The following EBF3 variants were observed in gnomAD, a reference collection of about 807,000 sequenced individuals.
EBF3 encodes the protein transcription factor COE3.
Under a neutral mutation model 77.1 loss-of-function variants are expected in EBF3, and 18 were observed. That is an observed-to-expected ratio of 0.23 (90% CI 0.16 to 0.35). EBF3 has a LOEUF of 0.35. Among genes scored for constraint, EBF3 ranks in the 10% least tolerant of loss-of-function variants. The probability of loss-of-function intolerance (pLI) is 1.00; values close to 1 mark genes in which losing one functional copy is unlikely to be tolerated. For synonymous variants in EBF3, 350 were observed against 343.5 expected (o/e 1.02, Z -0.21); for missense variants, 558 against 860.0 (o/e 0.65, Z 4.39).
In EBF3 at chr10:129,935,508, C is replaced by T. The variant is rs1857298167; in HGVS notation, c.554+21750G>A. On this transcript the variant is annotated intron_variant, in intron 6 of 16. Coordinates refer to ENST00000440978, the MANE Select transcript of EBF3 (RefSeq NM_001375380.1). The surrounding 1 kb of genome is among the most constrained non-coding windows in gnomAD (Gnocchi z 4.2). Reference sequence around the variant, plus strand: ...TCCTGTGTGACCCCAACCCTAAGAACAAGCCTCCCAACTCAGCGCCAACTG... The same window carrying T: ...TCCTGTGTGACCCCAACCCTAAGAATAAGCCTCCCAACTCAGCGCCAACTG... Among the ~76,000 whole-genome samples the T allele has an allele frequency of 6.6e-6, 1 of 152,220 alleles. No homozygotes were observed. The highest frequency in any genetic ancestry group is 1.5e-5 in the Non-Finnish European group (1 of 68,030).
intron 6 of EBF3, among the ~76,000 whole-genome samples, chr10:129,923,917 T>C (rs1400233975): frequency 1.3e-5 from 2 of 152,198 alleles, no homozygotes; most frequent in African/African-American, 4.8e-5. Context: ...ATCCAGAATA[T>C]AGAGAGAACT....
chr10:129,949,613 C>A (rs1858506015), intron 6 of EBF3, among the ~76,000 whole-genome samples: 1 of 152,122 alleles, frequency 6.6e-6, no homozygotes, highest in Non-Finnish European at 1.5e-5. Flanking sequence ...CCTGCCCATG[C>A]CCATAATCAA....
At position 129,924,474 on chromosome 10, in the gene EBF3, T is replaced by C. The variant is rs139986319; in HGVS notation, c.554+32784A>G. On this transcript the variant is annotated intron_variant, in intron 6 of 16. Transcript: ENST00000440978. ...AAAACAAAAAACAGAAAATAGGTACTGGTGAGGATGGAGAAACTGGAACCC... is the reference window on the plus strand; with the variant it reads ...AAAACAAAAAACAGAAAATAGGTACCGGTGAGGATGGAGAAACTGGAACCC... Among the ~76,000 whole-genome samples, 718 of 148,112 alleles carry C rather than the reference T, an allele frequency of 4.8e-3. 5 individuals are homozygous for C. Among genetic ancestry groups the C allele is most frequent in the Middle Eastern group, 0.014 (4 of 276 alleles).
intron 6 of EBF3, among the ~76,000 whole-genome samples, chr10:129,921,711 C>G (rs1368873828): frequency 6.6e-6 from 1 of 152,216 alleles, no homozygotes; most frequent in Non-Finnish European, 1.5e-5. Context: ...AGAGAGGACC[C>G]CTGGGGGTTG....
Position 129,863,472 on chromosome 10 carries a change from A to G in EBF3, c.1039+3669T>C, listed in dbSNP as rs1851778455. Among the ~76,000 whole-genome samples, 1 of 152,230 alleles carries G rather than the reference A, an allele frequency of 6.6e-6. No homozygotes were observed. Among genetic ancestry groups the G allele is most frequent in the African/African-American group, 2.4e-5 (1 of 41,466 alleles). ...TTTCTCAGATCACTGTAAACAGATC[A>G]TTGAGGCCCTTTGCAAAGCCCCTCC... On this transcript the variant is annotated intron_variant, in intron 10 of 16. Transcript: ENST00000440978. The surrounding 1 kb of genome is among the most constrained non-coding windows in gnomAD (Gnocchi z 4.0).
At chr10:129,892,528 A>G (rs2134202570) in intron 6 of EBF3, among the ~76,000 whole-genome samples, 1 of 152,314 alleles carries the variant, frequency 6.6e-6, no homozygotes, top group Non-Finnish European at 1.5e-5. Context: ...GACGGCTCAG[A>G]GAGTGAGCCG....
Position 129,861,870 on chromosome 10 carries a change from A to G in EBF3, c.1039+5271T>C, listed in dbSNP as rs1851662142. Among the ~76,000 whole-genome samples, 1 of 152,214 alleles carries G rather than the reference A, an allele frequency of 6.6e-6. No individual in the cohort carries two copies. Among genetic ancestry groups the G allele is most frequent in the African/African-American group, 2.4e-5 (1 of 41,438 alleles). On this transcript the variant is annotated intron_variant, in intron 10 of 16. Coordinates refer to ENST00000440978, the MANE Select transcript of EBF3 (RefSeq NM_001375380.1). This position sits in a 1 kb window ranked among gnomAD's most constrained non-coding sequence, Gnocchi z 4.3. ...CATCATTTGCTCTGTGCATCCAAGT[A>G]ATTTGTTTGAGGAGCACCGGCCTGG...
intron 6 of EBF3, among the ~76,000 whole-genome samples, chr10:129,950,711 A>T (rs1858613522): frequency 6.6e-6 from 1 of 152,230 alleles, no homozygotes; most frequent in Non-Finnish European, 1.5e-5. Flanking sequence ...TATTTTTATT[A>T]AAGCATGAAT....
rs193290460 is a variant in EBF3 at position 129,935,405 on chromosome 10, G to A, written c.554+21853C>T. Among the ~76,000 whole-genome samples the A allele has an allele frequency of 1.4e-3, 207 of 152,292 alleles. 1 individual carries two copies. The highest frequency in any genetic ancestry group is 4.6e-3 in the African/African-American group (190 of 41,570). ...TGCCTGGCTCCAGCAGAAGGACCCA[G>A]TGCCATCATTCTGACCTTCCTTCTG... On this transcript the variant is annotated intron_variant, in intron 6 of 16. Transcript: ENST00000440978. This position sits in a 1 kb window ranked among gnomAD's most constrained non-coding sequence, Gnocchi z 4.2.
chr10:129,905,334 A>C (rs1855067559), intron 6 of EBF3, among the ~76,000 whole-genome samples: 1 of 152,130 alleles, frequency 6.6e-6, no homozygotes, highest in Non-Finnish European at 1.5e-5. Context: ...AACAAGATAA[A>C]ATTTAAAATA....
intron 6 of EBF3, among the ~76,000 whole-genome samples, chr10:129,950,597 T>C (rs1201853328): frequency 2.0e-5 from 3 of 152,166 alleles, no homozygotes; most frequent in Non-Finnish European, 4.4e-5. Context: ...TGAACGCTGG[T>C]TACCCCAAAG....
rs1406128339 is a variant in EBF3 at position 129,952,679 on chromosome 10, A to C, written c.554+4579T>G. 6.6e-6 allele frequency among the ~76,000 whole-genome samples: 1 copy of C among 152,180 alleles called. No homozygotes were observed. The highest frequency in any genetic ancestry group is 1.5e-5 in the Non-Finnish European group (1 of 68,018). ...AAACATTGGGACTGGTCAAATGTTT[A>C]TCCTCCCCGCTTCTGAAAACAACCT... On this transcript the variant is annotated intron_variant, in intron 6 of 16. Transcript: ENST00000440978. The surrounding 1 kb of genome is among the most constrained non-coding windows in gnomAD (Gnocchi z 4.7).
In EBF3 at chr10:129,898,307, A is replaced by G. The variant is rs186183402; in HGVS notation, c.555-20458T>C. 3.3e-5 allele frequency among the ~76,000 whole-genome samples: 5 copies of G among 152,306 alleles called. No individual in the cohort carries two copies. In the East Asian group the frequency reaches 7.7e-4, roughly 24 times the overall value. On this transcript the variant is annotated intron_variant, in intron 6 of 16. Transcript: ENST00000440978. The stretch of plus-strand genomic sequence containing the variant: ...CTGCAGTGCAGGAGTGAAATCTAAT[A>G]CGGGGTCCCGGGTTTACGGGGTTCA...
chr10:129,918,322 G>A (rs1301408314), intron 6 of EBF3, among the ~76,000 whole-genome samples: 1 of 152,184 alleles, frequency 6.6e-6, no homozygotes, highest in Non-Finnish European at 1.5e-5. Context: ...CATTCTCCAT[G>A]CCCCACACAT....
intron 6 of EBF3, among the ~76,000 whole-genome samples, chr10:129,924,688 CAT>C (rs1458700096): frequency 6.6e-6 from 1 of 152,096 alleles, no homozygotes; most frequent in Non-Finnish European, 1.5e-5. Flanking sequence ...TTTCTTGAGA[CAT>C]AGGTTCTGCT....
chr10:129,943,587 C>T lies in EBF3; in HGVS notation c.554+13671G>A, dbSNP rs908044055. On this transcript the variant is annotated intron_variant, in intron 6 of 16. Transcript: ENST00000440978. The surrounding 1 kb of genome is among the most constrained non-coding windows in gnomAD (Gnocchi z 8.8). ...AGCCTCAAGTGGTTGCCAGGAGTCG[C>T]CAGCCGGGCTTGGGAACAAGACAGG... Among the ~76,000 whole-genome samples the T allele has an allele frequency of 7.2e-5, 11 of 152,198 alleles. No homozygotes were observed. The highest frequency in any genetic ancestry group is 1.4e-4 in the African/African-American group (6 of 41,446).
rs1237236681 is a variant in EBF3 at position 129,836,691 on chromosome 10, C to CAA, written c.*1250_*1251dup. The CAA allele has an allele frequency of 6.6e-6, 1 of 151,894 alleles. No individual in the cohort carries two copies. Among genetic ancestry groups the CAA allele is most frequent in the African/African-American group, 2.4e-5 (1 of 41,160 alleles). 9.4% of individuals were successfully genotyped at this position (151,894 alleles called of 1,614,324 possible). A position where few individuals can be genotyped will look rare whatever the true frequency, so the allele number is the denominator to read the frequency against. Reference sequence around the variant, plus strand: ...ACTGGTTCAGCTTAACGAAACAGATCAAAGAGACAAGTTCTTGGCTAATGC... The same window carrying CAA: ...ACTGGTTCAGCTTAACGAAACAGATCAAAAAGAGACAAGTTCTTGGCTAATGC... On this transcript the variant is annotated 3_prime_UTR_variant, in exon 17 of 17. Transcript: ENST00000440978.
intron 6 of EBF3, among the ~76,000 whole-genome samples, chr10:129,930,819 C>A (rs1856971570): frequency 6.7e-6 from 1 of 148,292 alleles, no homozygotes; most frequent in Non-Finnish European, 1.5e-5. Context: ...AAATCCCCCT[C>A]TCATATATCT....
chr10:129,903,665 G>T (rs982631749), intron 6 of EBF3, among the ~76,000 whole-genome samples: 3 of 152,120 alleles, frequency 2.0e-5, no homozygotes, highest in Admixed American at 6.5e-5. Flanking sequence ...ATCAGGAGTG[G>T]GGACATATTG....
Sources: allele counts gnomAD v4.1 joint callset (sites outside exome capture counted in the v4.1 genomes callset), GRCh38; gene constraint gnomAD v4.1.1; non-coding constraint Gnocchi (gnomAD v3.1); transcripts MANE v1.5; gene names NCBI Gene and HGNC (gene_info 2026-07-23, HGNC 2026-07-21).